Variants in TENM2 observed in about 807,000 individuals in gnomAD.
TENM2 encodes the protein teneurin-2.
Under a neutral mutation model 245.2 loss-of-function variants are expected in TENM2, and 52 were observed. The observed-to-expected ratio is 0.21, with a 90% CI of 0.17 to 0.27. TENM2 has a LOEUF of 0.27. Among genes scored for constraint, TENM2 ranks in the 10% least tolerant of loss-of-function variants. The pLI, the probability that TENM2 is intolerant of heterozygous loss-of-function variation, is 1.00. For synonymous variants in TENM2, 1,363 were observed against 1,438.9 expected (o/e 0.95, Z 1.19); for missense variants, 3,046 against 3,666.8 (o/e 0.83, Z 4.37).
At chr5:167,658,319 C>T (rs546447212) in intron 2 of TENM2, among the ~76,000 whole-genome samples, 1 of 152,038 alleles carries the variant, frequency 6.6e-6, no homozygotes, top group Non-Finnish European at 1.5e-5. Flanking sequence ...AGCTATTCTC[C>T]TGCCTCGGCC....
At chr5:167,703,475 T>A (rs1000229049) in intron 2 of TENM2, among the ~76,000 whole-genome samples, 2 of 139,408 alleles carry the variant, frequency 1.4e-5, no homozygotes, top group Non-Finnish European at 3.0e-5. Context: ...GAGGTTGCAG[T>A]GAGCCAAGAT....
intron 27 of TENM2, among the ~76,000 whole-genome samples, chr5:168,254,960 T>G (rs917562198): frequency 3.3e-5 from 5 of 151,144 alleles, no homozygotes; most frequent in African/African-American, 1.2e-4. Context: ...GGCAGGAGAA[T>G]CTCTTGAACC....
At chr5:168,138,867 A>G (rs1263912965) in intron 12 of TENM2, among the ~76,000 whole-genome samples, 1 of 152,234 alleles carries the variant, frequency 6.6e-6, no homozygotes, top group Non-Finnish European at 1.5e-5. Context: ...GGTGTGACAC[A>G]TGAGCCACCT....
At chr5:167,479,032 G>A (rs992771044) in intron 2 of TENM2, among the ~76,000 whole-genome samples, 2 of 152,048 alleles carry the variant, frequency 1.3e-5, no homozygotes, top group African/African-American at 4.8e-5. Flanking sequence ...TTATGTGTGT[G>A]TGTATCATGT....
In TENM2 at chr5:168,013,969, A is replaced by G. The variant is rs188467674; in HGVS notation, c.1186+20787A>G. On this transcript the variant is annotated intron_variant, in intron 5 of 28. Transcript: ENST00000518659. ...TACATGATATTCTGCCTGCCTTTATATCTGTCCCTGCGTCCAAGTTTTCCC... is the reference window on the plus strand; with the variant it reads ...TACATGATATTCTGCCTGCCTTTATGTCTGTCCCTGCGTCCAAGTTTTCCC... Among the ~76,000 whole-genome samples the G allele has an allele frequency of 2.0e-5, 3 of 152,284 alleles. No homozygotes were observed. In the East Asian group the frequency reaches 5.8e-4, roughly 29 times the overall value.
chr5:168,251,002 C>T (rs2152699701), intron 27 of TENM2, among the ~76,000 whole-genome samples: 1 of 152,090 alleles, frequency 6.6e-6, no homozygotes, highest in East Asian at 1.9e-4. Flanking sequence ...GTTGATCAGA[C>T]ATTTATGAAG....
At chr5:167,298,002 CAG>C (rs1051419022) in intron 1 of TENM2, among the ~76,000 whole-genome samples, 12 of 151,946 alleles carry the variant, frequency 7.9e-5, no homozygotes, top group African/African-American at 2.7e-4. Context: ...GTGCAGGTCA[CAG>C]GGGATATGAT....
intron 2 of TENM2, among the ~76,000 whole-genome samples, chr5:167,420,767 C>T (rs4431366): frequency 0.064 from 9,728 of 152,134 alleles, 796 homozygotes; most frequent in African/African-American, 0.19. Flanking sequence ...ATTTACTCCC[C>T]TATCACAATT....
Position 167,634,245 on chromosome 5 carries a change from A to G in TENM2, c.503-241741A>G, listed in dbSNP as rs368896585. Among the ~76,000 whole-genome samples, 49 of 152,320 alleles carry G rather than the reference A, an allele frequency of 3.2e-4. 1 individual carries two copies. The highest frequency in any genetic ancestry group is 1.9e-3 in the East Asian group (10 of 5,176). ...ACTGCATTCCAATATAGCCCCAGGA[A>G]GCATGTCCAGTTTGCAATCACAAGC... On this transcript the variant is annotated intron_variant, in intron 2 of 28. Transcript: ENST00000518659.
chr5:168,082,784 A>G (rs1424966218), intron 7 of TENM2, among the ~76,000 whole-genome samples: 1 of 152,146 alleles, frequency 6.6e-6, no homozygotes, highest in Non-Finnish European at 1.5e-5. Flanking sequence ...GAAGAACAAC[A>G]AATGTTGCTG....
At chr5:168,239,471 G>A (rs939943188) in intron 25 of TENM2, among the ~76,000 whole-genome samples, 1 of 152,144 alleles carries the variant, frequency 6.6e-6, no homozygotes, top group Non-Finnish European at 1.5e-5. Flanking sequence ...TGGTGCACCT[G>A]GGTCAATGGT....
intron 12 of TENM2, among the ~76,000 whole-genome samples, chr5:168,142,076 T>C (rs1755599364): frequency 1.3e-5 from 2 of 152,186 alleles, no homozygotes; most frequent in African/African-American, 4.8e-5. Flanking sequence ...TTTACGGACA[T>C]CCCAGAGAAA....
the TENM2 span, among the ~76,000 whole-genome samples, chr5:167,230,148 C>G: frequency 1.3e-5 from 2 of 152,116 alleles, no homozygotes; most frequent in Admixed American, 6.5e-5. Flanking sequence ...CTTGTAGGAC[C>G]CAGCATGAGT....
intron 2 of TENM2, among the ~76,000 whole-genome samples, chr5:167,659,302 T>A (rs1463249261): frequency 6.6e-6 from 1 of 152,226 alleles, no homozygotes; most frequent in Non-Finnish European, 1.5e-5. Flanking sequence ...CTATTATAAG[T>A]ATTGTTTTAA....
At chr5:168,066,722 C>T (rs1404499518) in intron 7 of TENM2, among the ~76,000 whole-genome samples, 1 of 152,142 alleles carries the variant, frequency 6.6e-6, no homozygotes, top group Non-Finnish European at 1.5e-5. Flanking sequence ...CTGAGTCATT[C>T]TTAGCCTACT....
intron 20 of TENM2, among the ~76,000 whole-genome samples, chr5:168,212,484 A>G (rs148479955): frequency 7.4e-4 from 112 of 152,246 alleles, no homozygotes; most frequent in African/African-American, 2.5e-3. Flanking sequence ...TTTTATTCAG[A>G]AGAAGAGAAA....
At chr5:167,578,101 A>C (rs1774836458) in intron 2 of TENM2, among the ~76,000 whole-genome samples, 1 of 152,160 alleles carries the variant, frequency 6.6e-6, no homozygotes, top group Admixed American at 6.5e-5. Flanking sequence ...TAGCCACTGG[A>C]GAGGGGTGAT....
At chr5:167,185,117 G>T in the TENM2 span, among the ~76,000 whole-genome samples, 4 of 152,126 alleles carry the variant, frequency 2.6e-5, no homozygotes, top group Admixed American at 6.6e-5. Context: ...ATGTTAGAGC[G>T]CCTGGCCTCA....
intron 3 of TENM2, among the ~76,000 whole-genome samples, chr5:167,929,148 A>G (rs561574604): frequency 1.5e-5 from 2 of 134,610 alleles, no homozygotes; most frequent in South Asian, 2.8e-4. Context: ...GAAGGGAGGG[A>G]GGGAGGGAAG....
Sources: gnomAD v4.1 joint callset for allele counts (sites outside exome capture counted in the v4.1 genomes callset) on GRCh38, gnomAD v4.1.1 for gene constraint, MANE v1.5 for transcripts, NCBI Gene and HGNC (gene_info 2026-07-23, HGNC 2026-07-21) for gene names.